The following NTRK1 variants were observed in gnomAD, a reference collection of about 807,000 sequenced individuals.
The protein encoded by NTRK1 is high affinity nerve growth factor receptor.
Under a neutral mutation model 86.8 loss-of-function variants are expected in NTRK1, and 62 were observed. That is an observed-to-expected ratio of 0.71 (90% CI 0.58 to 0.88). The LOEUF (loss-of-function observed/expected upper bound fraction) is 0.88, where lower values mean the gene tolerates loss of function less well. Among genes scored for constraint, NTRK1 ranks in the 40% least tolerant of loss-of-function variants. NTRK1 has a pLI of 0.00. For missense variants in NTRK1, 967 were observed against 1,078.4 expected, an observed-to-expected ratio of 0.90 and a Z score of 1.45; for synonymous variants, 469 against 456.6, an observed-to-expected ratio of 1.03 and a Z score of -0.35.
At chr1:156,851,414 G>T in intron 2 of NTRK1, 1 of 1,614,176 alleles carries the variant, frequency 6.2e-7, no homozygotes. Flanking sequence ...AGGCTGTGCT[G>T]CAGCTGTGGC....
chr1:156,862,058 G>A (rs1655677047), intron 1 of NTRK1, among the ~76,000 whole-genome samples: 1 of 152,210 alleles, frequency 6.6e-6, no homozygotes, highest in African/African-American at 2.4e-5. Context: ...ATCTAGAAGA[G>A]GGGAGAACTG....
chr1:156,866,670 G>A (rs1010318613), intron 3 of NTRK1, among the ~76,000 whole-genome samples: 1 of 152,190 alleles, frequency 6.6e-6, no homozygotes, highest in African/African-American at 2.4e-5. Flanking sequence ...GGGGTCTGGA[G>A]AGGGGGTTAA....
At chr1:156,871,829 G>A in intron 7 of NTRK1, 74 bp downstream of exon 7, 3 of 1,600,556 alleles carry the variant, frequency 1.9e-6, no homozygotes, top group Non-Finnish European at 1.7e-6. Context: ...TGTAGGGTGG[G>A]GGGCTGGAAG....
At chr1:156,861,204 G>T in intron 1 of NTRK1, 58 bp downstream of exon 1, 1 of 1,514,930 alleles carries the variant, frequency 6.6e-7, no homozygotes. Context: ...GCAGTGCCCC[G>T]AGGGCGCGGA....
intron 6 of NTRK1, 98 bp downstream of exon 6, chr1:156,868,745 G>A (rs979953778): frequency 3.8e-5 from 57 of 1,494,880 alleles, no homozygotes; most frequent in South Asian, 1.6e-4. Context: ...AAGAGACAAC[G>A]AATAAGGAGC....
At chr1:156,835,823 G>T (rs143982110) in intron 1 of NTRK1, among the ~76,000 whole-genome samples, 72 of 152,294 alleles carry the variant, frequency 4.7e-4, no homozygotes, top group African/African-American at 1.7e-3. Context: ...CAGCATTAAG[G>T]TCTCTCCCCT....
At chr1:156,868,319 A>G in intron 5 of NTRK1, 70 bp downstream of exon 5, 1 of 1,583,848 alleles carries the variant, frequency 6.3e-7, no homozygotes. Context: ...GGGAGAGGGC[A>G]CTGAGCAAGC....
chr1:156,828,198 G>T (rs552511673), intron 1 of NTRK1, among the ~76,000 whole-genome samples: 1 of 152,190 alleles, frequency 6.6e-6, no homozygotes, highest in African/African-American at 2.4e-5. Flanking sequence ...TCATTTGCTT[G>T]GTTTTTAATA....
At chr1:156,822,608 A>AG (rs759667211) in intron 1 of NTRK1, among the ~76,000 whole-genome samples, 4 of 121,482 alleles carry the variant, frequency 3.3e-5, no homozygotes, top group South Asian at 2.5e-4. Flanking sequence ...CTAAAAGATT[A>AG]GAAAAAAAAA....
chr1:156,875,196 C>T (rs573431036), intron 11 of NTRK1, among the ~76,000 whole-genome samples, 188 bp downstream of exon 11: 5 of 150,932 alleles, frequency 3.3e-5, no homozygotes, highest in East Asian at 4.0e-4. Flanking sequence ...GAGCGTGTGT[C>T]GGGCTGGTGC....
At chr1:156,817,297 A>G (rs1006564961) in intron 1 of NTRK1, among the ~76,000 whole-genome samples, 4 of 151,976 alleles carry the variant, frequency 2.6e-5, no homozygotes, top group African/African-American at 9.7e-5. Flanking sequence ...TGTGAAATCT[A>G]TGAGTCTGGG....
rs537905323 is a variant in NTRK1, at chr1:156,816,548, C to T, written c.-64+710C>T. 6 of 817,602 alleles carry T rather than the reference C, an allele frequency of 7.3e-6. No homozygotes were observed. The South Asian group carries it at 1.1e-4, about 15-fold the overall frequency. 50.6% of individuals were successfully genotyped at this position (817,602 alleles called of 1,614,324 possible). On this transcript the variant is annotated intron_variant, in intron 1 of 16. Transcript: ENST00000392302. ...GGGTTGTGGTCACCCTGCCAATCAG[C>T]TTTGCCAGCTCTGGCTTAGGGTGGG...
chr1:156,859,850 C>A (rs1337293881), upstream of NTRK1, among the ~76,000 whole-genome samples: 1 of 152,130 alleles, frequency 6.6e-6, no homozygotes, highest in African/African-American at 2.4e-5. The surrounding 1 kb of genome is among the most constrained non-coding windows in gnomAD (Gnocchi z 6.2). Flanking sequence ...CTCTTCCCTT[C>A]GCTCTCCCCA....
At chr1:156,859,626 G>T (rs1655536322), upstream of NTRK1, among the ~76,000 whole-genome samples, 1 of 152,158 alleles carries the variant, frequency 6.6e-6, no homozygotes, top group Admixed American at 6.5e-5. The surrounding 1 kb of genome is among the most constrained non-coding windows in gnomAD (Gnocchi z 6.2). Flanking sequence ...TTCTGACCAA[G>T]ATCCCGAGGA....
chr1:156,816,862 G>A lies in NTRK1; in HGVS notation c.-64+1024G>A, dbSNP rs1176034912. On this transcript the variant is annotated intron_variant, in intron 1 of 16. Coordinates refer to the NTRK1 transcript ENST00000392302. ...AGCCTTAGTTCTGGCGAGGACTCAC[G>A]TCATGGAAAGCCTTAAGACGATTGT... 1.3e-5 allele frequency: 8 copies of A among 605,770 alleles called. 1 individual carries two copies. The highest frequency in any genetic ancestry group is 6.1e-5 in the South Asian group (2 of 32,918). The allele number at this position is 605,770 out of a possible 1,614,324, so 37.5% of individuals were successfully genotyped here.
In NTRK1 at chr1:156,852,747, G is replaced by C. The variant is rs566934552; in HGVS notation, c.50+10554G>C. Among the ~76,000 whole-genome samples, 20 of 152,364 alleles carry C rather than the reference G, an allele frequency of 1.3e-4. No homozygotes were observed. In the South Asian group the frequency reaches 3.9e-3, roughly 30 times the overall value. Reference sequence around the variant, plus strand: ...AGAAACTGCACAGTGGTAGCTGGCTGGCTATGGGAGCGATCTGTGGGGTAG... The same window carrying C: ...AGAAACTGCACAGTGGTAGCTGGCTCGCTATGGGAGCGATCTGTGGGGTAG... On this transcript the variant is annotated intron_variant, in intron 2 of 16. Coordinates refer to the NTRK1 transcript ENST00000392302.
chr1:156,881,165 G>A (rs930948717), intron 16 of NTRK1, among the ~76,000 whole-genome samples: 10 of 151,940 alleles, frequency 6.6e-5, no homozygotes, highest in African/African-American at 2.2e-4. Flanking sequence ...TCAGCCCCTC[G>A]CCTTCCTCAA....
At chr1:156,857,213 G>A (rs1007831443), upstream of NTRK1, among the ~76,000 whole-genome samples, 1 of 126,412 alleles carries the variant, frequency 7.9e-6, no homozygotes, top group Non-Finnish European at 1.7e-5. Context: ...GTGTGTGTGT[G>A]TATGTCTGAG....
intron 1 of NTRK1, chr1:156,837,989 A>T (rs967682326): frequency 1.6e-4 from 25 of 151,956 alleles, no homozygotes; most frequent in Admixed American, 1.4e-3. Flanking sequence ...TCTTCTTCCT[A>T]CTTGGTGACA....
Sources: allele counts gnomAD v4.1 joint callset (sites outside exome capture counted in the v4.1 genomes callset), GRCh38; gene constraint gnomAD v4.1.1; non-coding constraint Gnocchi (gnomAD v3.1); transcripts MANE v1.5; gene names NCBI Gene and HGNC (gene_info 2026-07-23, HGNC 2026-07-21).